Variants in EVC observed in about 807,000 individuals in gnomAD.
EVC encodes evC complex member EVC.
In EVC, 116 loss-of-function variants were observed where a neutral mutation model predicts 118.9. The observed-to-expected ratio is 0.98, with a 90% CI of 0.84 to 1.14. EVC has a LOEUF of 1.14. Among genes scored for constraint, EVC ranks in the 50% most tolerant of loss-of-function variants. EVC has a pLI of 0.00. For missense variants in EVC, 1,401 were observed against 1,246.4 expected (o/e 1.12, Z -1.87); for synonymous variants, 619 against 534.7 (o/e 1.16, Z -2.18).
rs1481381381 is a variant in EVC, at chr4:5,738,857, C to T, written c.703-2859C>T. Among the ~76,000 whole-genome samples the T allele has an allele frequency of 6.6e-6, 1 of 152,094 alleles. No individual in the cohort carries two copies. Among genetic ancestry groups the T allele is most frequent in the African/African-American group, 2.4e-5 (1 of 41,406 alleles). ...CTGGGATTACGGGTGTGAGCCACCGCACCCAGCCCAACAACTTTTTTTTAA... is the reference window on the plus strand; with the variant it reads ...CTGGGATTACGGGTGTGAGCCACCGTACCCAGCCCAACAACTTTTTTTTAA... On this transcript the variant is annotated intron_variant, in intron 5 of 20. Coordinates refer to ENST00000264956, the MANE Select transcript of EVC (RefSeq NM_153717.3). This position sits in a 1 kb window ranked among gnomAD's most constrained non-coding sequence, Gnocchi z 6.5.
chr4:5,760,628 C>T (rs1313213367), intron 11 of EVC, among the ~76,000 whole-genome samples: 2 of 152,170 alleles, frequency 1.3e-5, no homozygotes, highest in Non-Finnish European at 2.9e-5. Context: ...TCTCAGCTCA[C>T]TGCAACCTCC....
intron 12 of EVC, among the ~76,000 whole-genome samples, chr4:5,786,398 T>C (rs1295908275): frequency 2.0e-5 from 3 of 152,216 alleles, no homozygotes; most frequent in Non-Finnish European, 4.4e-5. Flanking sequence ...TTGTTTACTT[T>C]GTGAGCATAC....
Position 5,743,447 on chromosome 4 carries a change from A to G in EVC, c.801+1633A>G, listed in dbSNP as rs1329204374. On this transcript the variant is annotated intron_variant, in intron 6 of 20. Coordinates refer to ENST00000264956, the MANE Select transcript of EVC (RefSeq NM_153717.3). The surrounding 1 kb of genome is among the most constrained non-coding windows in gnomAD (Gnocchi z 4.7). ...CATCATTTTCATTACTGCCATCGTC[A>G]TCGCATCATTGTTGTGATAGTCTTC... is the stretch of plus-strand genomic sequence containing the variant. Among the ~76,000 whole-genome samples, 1 of 152,122 alleles carries G rather than the reference A, an allele frequency of 6.6e-6. No individual in the cohort carries two copies. The highest frequency in any genetic ancestry group is 2.4e-5 in the African/African-American group (1 of 41,418).
chr4:5,810,384 G>C lies in EVC; in HGVS notation c.2828G>C (p.Arg943Thr). Reference sequence around the variant, plus strand: ...AGGAAGAAGCCCCTGCCCCAGGAAAGAGGGGACCTGGGGGTGCCCAACAAT... The same window carrying C: ...AGGAAGAAGCCCCTGCCCCAGGAAACAGGGGACCTGGGGGTGCCCAACAAT... ...TKRKKPLPQE[R>T]GDLGVPNNED... The change falls in exon 20 of 21, where the codon AGA becomes ACA. Residue 943 changes from arginine to threonine, a missense_variant. Arg to Thr is a moderately conservative substitution (Grantham distance 71, BLOSUM62 -1). Transcript: ENST00000264956. The C allele has an allele frequency of 1.9e-6, 3 of 1,613,914 alleles. No individual in the cohort carries two copies. The highest frequency in any genetic ancestry group is 2.5e-6 in the Non-Finnish European group (3 of 1,179,968).
chr4:5,801,543 G>C (rs748764973), intron 15 of EVC, among the ~76,000 whole-genome samples: 1 of 152,134 alleles, frequency 6.6e-6, no homozygotes, highest in African/African-American at 2.4e-5. Flanking sequence ...AGCCAGGCCT[G>C]GTGGTGCTTG....
rs963900806 is a variant in EVC at position 5,755,915 on chromosome 4, C to T, written c.1465-349C>T. Among the ~76,000 whole-genome samples, 3 of 152,286 alleles carry T rather than the reference C, an allele frequency of 2.0e-5. No homozygotes were observed. Among genetic ancestry groups the T allele is most frequent in the East Asian group, 3.9e-4 (2 of 5,160 alleles). On this transcript the variant is annotated intron_variant, in intron 10 of 20. Transcript: ENST00000264956. The surrounding 1 kb of genome is among the most constrained non-coding windows in gnomAD (Gnocchi z 4.1). The stretch of plus-strand genomic sequence containing the variant: ...CAATCGCCAGTCTGTGTCACCCCTG[C>T]TGGGTTCCCATCAGTGGGTCTTCCA...
chr4:5,732,318 T>C (rs1726958503), intron 4 of EVC, among the ~76,000 whole-genome samples: 1 of 151,860 alleles, frequency 6.6e-6, no homozygotes. Context: ...GTCCAAGAGG[T>C]GGGATGATCC....
At position 5,719,719 on chromosome 4, in the gene EVC, T is replaced by A. The variant is rs1249440642; in HGVS notation, c.300+346T>A. ...TTGGTTCTGCAGTTCTGGAACCTTA[T>A]GCAAATGGAATTGTGCTGTTCTGTG... On this transcript the variant is annotated intron_variant, in intron 2 of 20. Coordinates refer to ENST00000264956, the MANE Select transcript of EVC (RefSeq NM_153717.3). This position sits in a 1 kb window ranked among gnomAD's most constrained non-coding sequence, Gnocchi z 4.7. 6.6e-6 allele frequency among the ~76,000 whole-genome samples: 1 copy of A among 152,196 alleles called. No homozygotes were observed. The highest frequency in any genetic ancestry group is 1.5e-5 in the Non-Finnish European group (1 of 68,034).
intron 18 of EVC, 100 bp from the exon 19 acceptor site, chr4:5,809,418 C>A: frequency 9.6e-7 from 1 of 1,039,980 alleles, no homozygotes; most frequent in Non-Finnish European, 1.5e-6. Context: ...ACGTGGTCTT[C>A]AGTGGCCAGC....
chr4:5,795,038 A>G (rs1033681401), intron 13 of EVC, among the ~76,000 whole-genome samples: 2 of 152,204 alleles, frequency 1.3e-5, no homozygotes, highest in African/African-American at 4.8e-5. Flanking sequence ...TTCCAGCTGC[A>G]TCCATGTTAC....
intron 12 of EVC, among the ~76,000 whole-genome samples, chr4:5,785,418 G>C (rs1292261117): frequency 1.3e-5 from 2 of 152,228 alleles, no homozygotes. Flanking sequence ...AGACCAGTGT[G>C]ACTGATGCAT....
intron 8 of EVC, among the ~76,000 whole-genome samples, chr4:5,748,567 T>TCCATCCATCCATCCATCCATCCAC (rs1729755800): frequency 1.1e-5 from 1 of 91,216 alleles, no homozygotes; most frequent in African/African-American, 5.0e-5. Flanking sequence ...CACCCATTTA[T>TCCATCCATCCATCCATCCATCCAC]CCATCCATCC....
intron 5 of EVC, among the ~76,000 whole-genome samples, chr4:5,735,895 C>A (rs1418495561): frequency 6.6e-6 from 1 of 152,158 alleles, no homozygotes; most frequent in African/African-American, 2.4e-5. Context: ...ATAACTCTAT[C>A]GTCGTGTGCT....
At chr4:5,748,047 G>A (rs1729632503) in intron 7 of EVC, 101 bp from the exon 8 acceptor site, 6 of 1,284,930 alleles carry the variant, frequency 4.7e-6, no homozygotes, top group Non-Finnish European at 6.7e-6. Flanking sequence ...TAGAATCTTT[G>A]TTTGTGATAG....
rs868156666 is a variant in EVC at position 5,811,833 on chromosome 4, G to T, written c.*796G>T. 73 of 97,360 alleles carry T rather than the reference G, an allele frequency of 7.5e-4. No individual in the cohort carries two copies. Among genetic ancestry groups the T allele is most frequent in the Middle Eastern group, 8.2e-3 (1 of 122 alleles). 6.0% of individuals were successfully genotyped at this position (97,360 alleles called of 1,614,324 possible). On this transcript the variant is annotated 3_prime_UTR_variant, in exon 21 of 21. Transcript: ENST00000264956. Reference sequence around the variant, plus strand: ...ACAGCCAGGAGAGGCCTTTCCCACCGGTAGAGAAACTTCCAGACCAGCCCC... The same window carrying T: ...ACAGCCAGGAGAGGCCTTTCCCACCTGTAGAGAAACTTCCAGACCAGCCCC...
chr4:5,732,779 G>A (rs1040356769), intron 4 of EVC, among the ~76,000 whole-genome samples: 8 of 152,336 alleles, frequency 5.3e-5, no homozygotes, highest in African/African-American at 1.9e-4. Flanking sequence ...GGAGGCCAAG[G>A]TGGGTGGATT....
At chr4:5,787,116 T>C (rs551956502) in intron 12 of EVC, among the ~76,000 whole-genome samples, 1 of 152,318 alleles carries the variant, frequency 6.6e-6, no homozygotes, top group South Asian at 2.1e-4. Context: ...AGGGAAGTTA[T>C]TAAAAATTAA....
the EVC span, chr4:5,824,367 G>A: frequency 2.0e-6 from 2 of 985,412 alleles, no homozygotes; most frequent in Non-Finnish European, 2.4e-6. Context: ...CTTATGGAGA[G>A]TGAGATGAAT....
intron 1 of EVC, among the ~76,000 whole-genome samples, chr4:5,713,564 C>T (rs1325668840): frequency 6.6e-6 from 1 of 151,546 alleles, no homozygotes; most frequent in African/African-American, 2.4e-5. Context: ...GTAATCCCAG[C>T]TACTCAGGAG....
Sources: allele counts gnomAD v4.1 joint callset (sites outside exome capture counted in the v4.1 genomes callset), GRCh38; gene constraint gnomAD v4.1.1; non-coding constraint Gnocchi (gnomAD v3.1); transcripts MANE v1.5; gene names NCBI Gene and HGNC (gene_info 2026-07-23, HGNC 2026-07-21).